CLMN: variants seen among roughly 807,000 people sequenced by gnomAD.
CLMN encodes calmin.
Under a neutral mutation model 92.7 loss-of-function variants are expected in CLMN, and 57 were observed. That is an observed-to-expected ratio of 0.61 (90% CI 0.50 to 0.77). CLMN has a LOEUF of 0.77. CLMN is among the 30% of genes least tolerant of loss of function. The pLI is 0.00. For missense variants in CLMN, 1,158 were observed against 1,237.5 expected (o/e 0.94, Z 0.96); for synonymous variants, 466 against 470.6 (o/e 0.99, Z 0.13).
chr14:95,211,401 A>G (rs942682778), intron 6 of CLMN, among the ~76,000 whole-genome samples: 6 of 152,270 alleles, frequency 3.9e-5, no homozygotes, highest in East Asian at 1.9e-4. Context: ...AACCTAATAT[A>G]CAACGTTGGG....
chr14:95,278,360 C>A (rs778244557), intron 1 of CLMN, among the ~76,000 whole-genome samples: 1 of 152,098 alleles, frequency 6.6e-6, no homozygotes, highest in Non-Finnish European at 1.5e-5. Context: ...CTTCTTGGAT[C>A]TTATTTTTCT....
rs1209195674 is a variant in CLMN at position 95,188,279 on chromosome 14, A to G, written c.*3285T>C. The G allele has an allele frequency of 2.0e-5, 3 of 152,274 alleles. No homozygotes were observed. The highest frequency in any genetic ancestry group is 7.2e-5 in the African/African-American group (3 of 41,470). The allele number at this position is 152,274 out of a possible 1,614,324, so 9.4% of individuals were successfully genotyped here. ...GACCACCAAAATAAAGAGAACTCAG[A>G]GAAAATGAGGGCAACACAGGGAGCA... On this transcript the variant is annotated 3_prime_UTR_variant, in exon 13 of 13. Transcript: ENST00000298912.
At chr14:95,227,337 G>A (rs1897743217) in intron 2 of CLMN, among the ~76,000 whole-genome samples, 1 of 152,162 alleles carries the variant, frequency 6.6e-6, no homozygotes, top group African/African-American at 2.4e-5. Context: ...TCGCTTCAAG[G>A]GCAACAGCGA....
chr14:95,235,300 C>T (rs1397373382), intron 1 of CLMN, among the ~76,000 whole-genome samples: 1 of 152,166 alleles, frequency 6.6e-6, no homozygotes, highest in African/African-American at 2.4e-5. Context: ...CACACTGGGG[C>T]CGGGGCCTGG....
intron 1 of CLMN, among the ~76,000 whole-genome samples, chr14:95,239,123 A>G (rs1038614260): frequency 6.6e-6 from 1 of 152,226 alleles, no homozygotes. Flanking sequence ...ATTCACCCAG[A>G]TGGGCAGGCC....
chr14:95,319,832 C>CGGGCGCGGAGAGCCTGGCT lies in CLMN; in HGVS notation c.-41_-40insAGCCAGGCTCTCCGCGCCC. On this transcript the variant is annotated 5_prime_UTR_variant, in exon 1 of 13. Coordinates refer to ENST00000298912, the MANE Select transcript of CLMN (RefSeq NM_024734.4). ...AGAGCCCGGGCCAGCGCGGCGCGGGCGGCGGGCGCGGAGAGCCTGGCTGGC... is the reference window on the plus strand; with the variant it reads ...AGAGCCCGGGCCAGCGCGGCGCGGGCGGGCGCGGAGAGCCTGGCTGGCGGGCGCGGAGAGCCTGGCTGGC... 1.6e-6 allele frequency: 2 copies of CGGGCGCGGAGAGCCTGGCT among 1,244,528 alleles called. No homozygotes were observed. The highest frequency in any genetic ancestry group is 2.0e-6 in the Non-Finnish European group (2 of 982,298). 77.1% of individuals were successfully genotyped at this position (1,244,528 alleles called of 1,614,324 possible).
At chr14:95,317,271 CAA>C (rs987795049) in intron 1 of CLMN, among the ~76,000 whole-genome samples, 5 of 152,114 alleles carry the variant, frequency 3.3e-5, no homozygotes, top group African/African-American at 1.2e-4. Context: ...AGCATTCAGT[CAA>C]GAGACTGACC....
intron 1 of CLMN, among the ~76,000 whole-genome samples, chr14:95,304,262 G>A (rs1346926753): frequency 6.6e-6 from 1 of 152,060 alleles, no homozygotes; most frequent in Non-Finnish European, 1.5e-5. Context: ...ATTGAGCCTA[G>A]GAGTTCAAGG....
chr14:95,272,430 TC>T (rs1391641875), intron 1 of CLMN, among the ~76,000 whole-genome samples: 2 of 152,094 alleles, frequency 1.3e-5, no homozygotes, highest in Admixed American at 6.5e-5. Flanking sequence ...AGAGATGAAG[TC>T]AGCCATTCAT....
intron 2 of CLMN, among the ~76,000 whole-genome samples, chr14:95,227,761 C>T (rs1051189813): frequency 1.3e-5 from 2 of 152,300 alleles, no homozygotes; most frequent in South Asian, 2.1e-4. Flanking sequence ...ATAAACAGCA[C>T]CCCCAGGGCT....
Position 95,294,615 on chromosome 14 carries a change from C to G in CLMN, c.82+25096G>C, listed in dbSNP as rs2140767167. On this transcript the variant is annotated intron_variant, in intron 1 of 12. Coordinates refer to ENST00000298912, the MANE Select transcript of CLMN (RefSeq NM_024734.4). The surrounding 1 kb of genome is among the most constrained non-coding windows in gnomAD (Gnocchi z 4.2). ...CCTTGTAGAAAAGGGCACTTATTTT[C>G]AGGTGTGATGGTGAGGATTAGGATA... 6.6e-6 allele frequency among the ~76,000 whole-genome samples: 1 copy of G among 152,310 alleles called. No individual in the cohort carries two copies. Among genetic ancestry groups the G allele is most frequent in the East Asian group, 1.9e-4 (1 of 5,176 alleles).
At position 95,194,310 on chromosome 14, in the gene CLMN, G is replaced by T. The variant is rs1020508144; in HGVS notation, c.2769+226C>A. On this transcript the variant is annotated intron_variant, in intron 11 of 12. Transcript: ENST00000298912. The surrounding 1 kb of genome is among the most constrained non-coding windows in gnomAD (Gnocchi z 4.0). ...TTTGGGTGCGTTTTTATAGCAAGGA[G>T]GCCTTTGGGCTTTAAAATCCTCACT... The T allele has an allele frequency of 5.6e-6, 8 of 1,417,342 alleles. No homozygotes were observed. The African/African-American group carries it at 1.0e-4, about 18-fold the overall frequency. The allele number at this position is 1,417,342 out of a possible 1,614,324, so 87.8% of individuals were successfully genotyped here. A position where few individuals can be genotyped will look rare whatever the true frequency, so the allele number is the denominator to read the frequency against.
intron 2 of CLMN, among the ~76,000 whole-genome samples, chr14:95,225,380 G>C (rs1897678349): frequency 6.6e-6 from 1 of 152,218 alleles, no homozygotes; most frequent in African/African-American, 2.4e-5. Flanking sequence ...TAGTGTACTT[G>C]TCTGCAATGT....
chr14:95,263,545 G>A (rs1899344588), intron 1 of CLMN, among the ~76,000 whole-genome samples: 1 of 152,200 alleles, frequency 6.6e-6, no homozygotes, highest in Non-Finnish European at 1.5e-5. Flanking sequence ...TGTGACCCAG[G>A]AAAAGGAGCG....
chr14:95,296,854 T>C (rs1273804926), intron 1 of CLMN, among the ~76,000 whole-genome samples: 1 of 152,242 alleles, frequency 6.6e-6, no homozygotes, highest in Non-Finnish European at 1.5e-5. Context: ...TCAGGTTTCC[T>C]GTAATTCATA....
chr14:95,270,320 T>C (rs113960776), intron 1 of CLMN, among the ~76,000 whole-genome samples: 4 of 152,330 alleles, frequency 2.6e-5, no homozygotes, highest in African/African-American at 9.6e-5. Context: ...AATACACCTA[T>C]TTAAAGCCCA....
intron 1 of CLMN, among the ~76,000 whole-genome samples, chr14:95,293,118 T>TCCCTCCTTCCCTCCCTC (rs1900642479): frequency 1.9e-5 from 2 of 105,774 alleles, no homozygotes; most frequent in African/African-American, 7.8e-5. Flanking sequence ...TCCCCTCCCT[T>TCCCTCCTTCCCTCCCTC]CCCTCCTTCC....
At chr14:95,235,284 C>T (rs1898015389) in intron 1 of CLMN, among the ~76,000 whole-genome samples, 2 of 152,254 alleles carry the variant, frequency 1.3e-5, no homozygotes, top group Non-Finnish European at 1.5e-5. Flanking sequence ...TCCAGACCTA[C>T]TGCCTCACAC....
At chr14:95,314,400 G>T (rs1046097516) in intron 1 of CLMN, among the ~76,000 whole-genome samples, 1 of 152,020 alleles carries the variant, frequency 6.6e-6, no homozygotes, top group African/African-American at 2.4e-5. Context: ...GCTTAGTAGA[G>T]CCCAGAGTCA....
Sources: allele counts gnomAD v4.1 joint callset (sites outside exome capture counted in the v4.1 genomes callset), GRCh38; gene constraint gnomAD v4.1.1; non-coding constraint Gnocchi (gnomAD v3.1); transcripts MANE v1.5; gene names NCBI Gene and HGNC (gene_info 2026-07-23, HGNC 2026-07-21).